Variants in MYO10 observed in about 807,000 individuals in gnomAD.
MYO10 encodes myosin X.
MYO10 carries 133 observed loss-of-function variants against 257.3 expected under a neutral mutation model. That is an observed-to-expected ratio of 0.52 (90% confidence interval 0.45 to 0.60). The LOEUF is 0.60. Ranked by LOEUF, MYO10 falls within the 20% of genes least tolerant of loss-of-function variation. The probability of loss-of-function intolerance (pLI) is 0.00; values close to 1 mark genes in which losing one functional copy is unlikely to be tolerated. For missense variants in MYO10, 2,399 were observed against 2,635.7 expected (o/e 0.91, Z 1.97); for synonymous variants, 1,104 against 1,028.6 (o/e 1.07, Z -1.40).
At chr5:16,702,777 G>A (rs912373694) in intron 23 of MYO10, 148 bp downstream of exon 23, 1 of 934,436 alleles carries the variant, frequency 1.1e-6, no homozygotes, top group Non-Finnish European at 1.6e-6. Flanking sequence ...ATGCTGCCAA[G>A]GAATTTTATA....
rs257160 is a variant in MYO10 at position 16,662,801 on chromosome 5, G to A, written c.*3891C>T. On this transcript the variant is annotated 3_prime_UTR_variant, in exon 41 of 41. Coordinates refer to ENST00000513610, the MANE Select transcript of MYO10 (RefSeq NM_012334.3). ...TTCTTGTCCATAGTGAGTATGTCTC[G>A]GAAGAGCTAATGGTTTTATAAAAGG... 0.99 allele frequency: 151,306 copies of A among 152,252 alleles called. 75,186 individuals carry two copies. The highest frequency in any genetic ancestry group is 1 in the Middle Eastern group (294 of 294). 9.4% of individuals were successfully genotyped at this position (152,252 alleles called of 1,614,324 possible).
chr5:16,781,756 G>C lies in MYO10; in HGVS notation c.676C>G (p.Gln226Glu). ...NNSSRFGKFV[Q>E]LNICQKGNIQ... ...TTTCCTTTCTGACAGATGTTCAGCT[G>C]AACAAACTTCCCAAAGCGACTAGAG... The change falls in exon 6 of 41, where the codon CAG becomes GAG. Residue 226 changes from glutamine (Q) to glutamate (E), a missense_variant. Gln to Glu is a conservative substitution (Grantham distance 29, BLOSUM62 2). Transcript: ENST00000513610. 1.9e-6 allele frequency: 3 copies of C among 1,613,916 alleles called. No individual in the cohort carries two copies. The highest frequency in any genetic ancestry group is 2.5e-6 in the Non-Finnish European group (3 of 1,179,860).
At chr5:16,899,508 G>C (rs1745314941) in intron 1 of MYO10, among the ~76,000 whole-genome samples, 2 of 151,598 alleles carry the variant, frequency 1.3e-5, no homozygotes, top group African/African-American at 4.9e-5. Flanking sequence ...GTTGTGGCGT[G>C]TGCCTGTAAT....
intron 9 of MYO10, 34 bp downstream of exon 9, chr5:16,779,511 A>G (rs2126667690): frequency 7.7e-7 from 1 of 1,295,468 alleles, no homozygotes; most frequent in East Asian, 2.4e-5. Context: ...GGTATCTGAT[A>G]TCTTAATAGG....
At chr5:16,719,279 C>T (rs1266741449) in intron 19 of MYO10, among the ~76,000 whole-genome samples, 2 of 152,112 alleles carry the variant, frequency 1.3e-5, no homozygotes, top group Admixed American at 6.5e-5. Flanking sequence ...CGAGGGTCCG[C>T]GGCTTCATTC....
intron 6 of MYO10, among the ~76,000 whole-genome samples, 152 bp from the exon 7 acceptor site, chr5:16,780,893 C>T (rs1223600219): frequency 6.6e-6 from 1 of 152,238 alleles, no homozygotes; most frequent in Middle Eastern, 3.4e-3. Context: ...GACAAGCAAA[C>T]AAAGTATAGA....
At chr5:16,763,445 C>A in intron 14 of MYO10, 36 bp downstream of exon 14, 1 of 1,536,946 alleles carries the variant, frequency 6.5e-7, no homozygotes, top group Non-Finnish European at 9.0e-7. Context: ...AGCTGGACCC[C>A]CTTGGGACTG....
At position 16,699,421 on chromosome 5, in the gene MYO10, C is replaced by T. The variant is rs745489892; in HGVS notation, c.3556+29G>A. On this transcript the variant is annotated intron_variant, in intron 26 of 40. Coordinates refer to ENST00000513610, the MANE Select transcript of MYO10 (RefSeq NM_012334.3). The stretch of plus-strand genomic sequence containing the variant: ...AAATAACGCCTCGCTCTCCCCCTAA[C>T]CCAGACTCCATGGCGGCTGCAGTCA... 7 of 1,610,446 alleles carry T rather than the reference C, an allele frequency of 4.3e-6. No individual in the cohort carries two copies. In the African/African-American group the frequency reaches 9.4e-5, roughly 22 times the overall value.
chr5:16,769,339 C>T, intron 9 of MYO10, 136 bp from the exon 10 acceptor site: 1 of 1,026,170 alleles, frequency 9.7e-7, no homozygotes, highest in Non-Finnish European at 1.3e-6. Context: ...TAACCACTCA[C>T]TTGTTTTTTT....
At chr5:16,708,585 A>G (rs1412447549) in intron 21 of MYO10, among the ~76,000 whole-genome samples, 1 of 152,130 alleles carries the variant, frequency 6.6e-6, no homozygotes, top group Non-Finnish European at 1.5e-5. Flanking sequence ...TTTTTGAGAC[A>G]AGGTTTCACT....
chr5:16,858,481 T>C (rs1442585876), intron 2 of MYO10, among the ~76,000 whole-genome samples: 1 of 150,214 alleles, frequency 6.7e-6, no homozygotes, highest in African/African-American at 2.5e-5. Context: ...TTGCATGCAA[T>C]AAAATACACA....
At chr5:16,697,244 C>G (rs567356183) in intron 26 of MYO10, among the ~76,000 whole-genome samples, 3 of 151,924 alleles carry the variant, frequency 2.0e-5, no homozygotes, top group Admixed American at 6.6e-5. Flanking sequence ...CCCATGTTTT[C>G]TAAGAGGAGC....
intron 1 of MYO10, among the ~76,000 whole-genome samples, chr5:16,932,635 T>A (rs1746321448): frequency 6.6e-6 from 1 of 152,160 alleles, no homozygotes; most frequent in African/African-American, 2.4e-5. Context: ...ATGAAGAAAC[T>A]GAAACTGAGG....
chr5:16,776,172 C>T (rs1741205857), intron 9 of MYO10, among the ~76,000 whole-genome samples: 1 of 152,186 alleles, frequency 6.6e-6, no homozygotes. Context: ...GCTGACATTA[C>T]AGACATGAGC....
At chr5:16,826,586 G>C (rs1450956037) in intron 2 of MYO10, among the ~76,000 whole-genome samples, 2 of 152,208 alleles carry the variant, frequency 1.3e-5, no homozygotes, top group Admixed American at 1.3e-4. Context: ...TGTGCGGGAG[G>C]AAGGAGCGGG....
In MYO10 at chr5:16,899,997, C is replaced by CAA. The variant is rs60443560; in HGVS notation, c.22-22292_22-22291dup. Among the ~76,000 whole-genome samples, 70 of 88,274 alleles carry CAA rather than the reference C, an allele frequency of 7.9e-4. 1 individual carries two copies. Among genetic ancestry groups the CAA allele is most frequent in the East Asian group, 1.1e-3 (3 of 2,644 alleles). 57.9% of individuals were successfully genotyped at this position (88,274 alleles called of 152,430 possible). A position where few individuals can be genotyped will look rare whatever the true frequency, so the allele number is the denominator to read the frequency against. On this transcript the variant is annotated intron_variant, in intron 1 of 40. Transcript: ENST00000513610. Reference sequence around the variant, plus strand: ...TGGGCAACACAGCAAGATGCTGTCTCAAAAAAAAAAAAAAAAAAAAAAAAA... The same window carrying CAA: ...TGGGCAACACAGCAAGATGCTGTCTCAAAAAAAAAAAAAAAAAAAAAAAAAAA...
chr5:16,845,363 G>A (rs577701593), intron 2 of MYO10, among the ~76,000 whole-genome samples: 3 of 152,098 alleles, frequency 2.0e-5, no homozygotes, highest in East Asian at 3.9e-4. Context: ...CATTTTCGGC[G>A]TGTTAAAAAA....
chr5:16,677,428 T>TTTTTTTTTTTTTG (rs1736781417), intron 33 of MYO10, among the ~76,000 whole-genome samples: 1 of 143,652 alleles, frequency 7.0e-6, no homozygotes, highest in Non-Finnish European at 1.5e-5. Flanking sequence ...TTTTTTTTTT[T>TTTTTTTTTTTTTG]TTTTTGAGAC....
At chr5:16,837,031 C>T (rs997001639) in intron 2 of MYO10, among the ~76,000 whole-genome samples, 5 of 152,106 alleles carry the variant, frequency 3.3e-5, no homozygotes, top group African/African-American at 1.2e-4. Flanking sequence ...TACTGATAGG[C>T]AGGGAGAGGT....
Sources: allele counts gnomAD v4.1 joint callset (sites outside exome capture counted in the v4.1 genomes callset), GRCh38; gene constraint gnomAD v4.1.1; transcripts MANE v1.5; gene names NCBI Gene and HGNC (gene_info 2026-07-23, HGNC 2026-07-21).